Variants in ATRIP observed in about 807,000 individuals in gnomAD.
The protein encoded by ATRIP is ATR interacting protein, also known as ATR-interacting protein.
A neutral mutation model predicts 78.1 loss-of-function variants in ATRIP; 44 were observed. That is an observed-to-expected ratio of 0.56 (90% CI 0.44 to 0.72). ATRIP has a LOEUF of 0.72. Ranked by LOEUF, ATRIP falls within the 30% of genes least tolerant of loss-of-function variation. ATRIP has a pLI of 0.00. For missense variants in ATRIP, 927 were observed against 980.2 expected (o/e 0.95, Z 0.72); for synonymous variants, 388 against 408.9 (o/e 0.95, Z 0.62).
intron 9 of ATRIP, 67 bp from the exon 10 acceptor site, chr3:48,463,974 G>A: frequency 6.2e-7 from 1 of 1,602,654 alleles, no homozygotes; most frequent in Non-Finnish European, 8.5e-7. Context: ...GAGGGCTTCT[G>A]CAGTATGTAG....
chr3:48,449,659 G>A (rs777041277), intron 1 of ATRIP, among the ~76,000 whole-genome samples: 1 of 151,658 alleles, frequency 6.6e-6, no homozygotes, highest in Non-Finnish European at 1.5e-5. Flanking sequence ...CAGGCACAGT[G>A]GCTGACGCCT....
intron 1 of ATRIP, 94 bp from the exon 2 acceptor site, chr3:48,449,943 A>G: frequency 1.5e-6 from 2 of 1,316,642 alleles, no homozygotes; most frequent in Non-Finnish European, 2.1e-6. Flanking sequence ...ATCTCAAAAA[A>G]GAAAAAAAAA....
chr3:48,464,088 G>A lies in ATRIP; in HGVS notation c.1930G>A (p.Asp644Asn), dbSNP rs1224251523. The A allele has an allele frequency of 6.2e-7, 1 of 1,613,768 alleles. No individual in the cohort carries two copies. The highest frequency in any genetic ancestry group is 8.5e-7 in the Non-Finnish European group (1 of 1,180,034). Residue 644 changes from aspartate to asparagine, a missense_variant, in exon 10 of 13, where the codon GAC becomes AAC. Asp to Asn is a conservative substitution (Grantham distance 23). Transcript: ENST00000320211. The stretch of plus-strand genomic sequence containing the variant: ...GTACATGTACATCACATCACGGCCT[G>A]ACAGAGTGGCCTTGGAGACACAATG... ...LLYMYITSRPDRVALETQWLQ... is the reference protein window; with the variant it reads ...LLYMYITSRPNRVALETQWLQ...
rs2040288671 is a variant in ATRIP at position 48,466,260 on chromosome 3, C to A, written c.*706C>A. The A allele has an allele frequency of 1.6e-6, 1 of 617,116 alleles. No homozygotes were observed. The highest frequency in any genetic ancestry group is 2.8e-5 in the East Asian group (1 of 35,942). 38.2% of individuals were successfully genotyped at this position (617,116 alleles called of 1,614,324 possible). On this transcript the variant is annotated 3_prime_UTR_variant, in exon 13 of 13. Coordinates refer to ENST00000320211, the MANE Select transcript of ATRIP (RefSeq NM_130384.3). Reference sequence around the variant, plus strand: ...CCGCCACTGCTGCCAGCGAGAGCCGCGGGAGAGTGTGCAGCCGAGTCACTA... The same window carrying A: ...CCGCCACTGCTGCCAGCGAGAGCCGAGGGAGAGTGTGCAGCCGAGTCACTA...
rs781060789 is a variant in ATRIP, at chr3:48,466,799, C to G, written c.*1245C>G. 1.2e-5 allele frequency: 20 copies of G among 1,613,844 alleles called. No individual in the cohort carries two copies. The highest frequency in any genetic ancestry group is 5.0e-5 in the Admixed American group (3 of 60,004). On this transcript the variant is annotated 3_prime_UTR_variant, in exon 13 of 13. Transcript: ENST00000320211. ...ACAGATGTGCCCTGGAGAGCCCCCCCACCTCTCAGGGGCCACCTCCCACAG... is the reference window on the plus strand; with the variant it reads ...ACAGATGTGCCCTGGAGAGCCCCCCGACCTCTCAGGGGCCACCTCCCACAG...
At chr3:48,453,273 G>A (rs1413610612) in intron 3 of ATRIP, among the ~76,000 whole-genome samples, 2 of 152,168 alleles carry the variant, frequency 1.3e-5, no homozygotes, top group African/African-American at 4.8e-5. Context: ...ACCTCCTCAT[G>A]CTTCAATCTC....
At chr3:48,457,506 G>A in intron 5 of ATRIP, 90 bp downstream of exon 5, 1 of 1,081,036 alleles carries the variant, frequency 9.3e-7, no homozygotes, top group Non-Finnish European at 1.2e-6. Flanking sequence ...CAATTTCTGT[G>A]ATCAGCAATT....
At position 48,467,174 on chromosome 3, in the gene ATRIP, A is replaced by T. The variant is rs2040356821; in HGVS notation, c.*1620A>T. ...CAAGCAGCCCCTCAGAACACGGCCC[A>T]AGGAAGAGCTATAGCCTAGGCAGCA... On this transcript the variant is annotated 3_prime_UTR_variant, in exon 13 of 13. Transcript: ENST00000320211. 3 of 1,613,780 alleles carry T rather than the reference A, an allele frequency of 1.9e-6. No individual in the cohort carries two copies.
At chr3:48,458,555 C>T (rs570111326) in intron 5 of ATRIP, among the ~76,000 whole-genome samples, 3 of 152,184 alleles carry the variant, frequency 2.0e-5, no homozygotes, top group East Asian at 3.9e-4. Flanking sequence ...CTCATGACCT[C>T]GTGATCCACC....
chr3:48,447,362 G>T, intron 1 of ATRIP: 1 of 1,128,890 alleles, frequency 8.9e-7, no homozygotes. Context: ...CTTGGTTCTT[G>T]GTTCTAAGCA....
intron 1 of ATRIP, among the ~76,000 whole-genome samples, chr3:48,448,018 AGTCCTC>A (rs1487303958): frequency 6.6e-6 from 1 of 152,184 alleles, no homozygotes; most frequent in African/African-American, 2.4e-5. Context: ...TGTTACCATG[AGTCCTC>A]TCTTGAACAA....
intron 4 of ATRIP, among the ~76,000 whole-genome samples, chr3:48,456,097 G>T (rs2039948663): frequency 6.6e-6 from 1 of 151,866 alleles, no homozygotes; most frequent in African/African-American, 2.4e-5. Context: ...TCCAGCCTGG[G>T]CAACAGAACA....
chr3:48,466,692 A>C lies in ATRIP; in HGVS notation c.*1138A>C, dbSNP rs1287600584. 6.2e-7 allele frequency: 1 copy of C among 1,613,598 alleles called. No homozygotes were observed. Among genetic ancestry groups the C allele is most frequent in the Non-Finnish European group, 8.5e-7 (1 of 1,179,916 alleles). On this transcript the variant is annotated 3_prime_UTR_variant, in exon 13 of 13. Coordinates refer to ENST00000320211, the MANE Select transcript of ATRIP (RefSeq NM_130384.3). ...GGCCCTGCCCCCGGGGCCCATGCAG[A>C]CCCTCATCTTTTTCGACATGGAGGC...
Position 48,461,655 on chromosome 3 carries a change from AG to A in ATRIP, c.1745+860del, listed in dbSNP as rs1199222738. 5.3e-5 allele frequency among the ~76,000 whole-genome samples: 8 copies of A among 151,682 alleles called. 1 individual carries two copies. In the South Asian group the frequency reaches 6.2e-4, roughly 12 times the overall value. ...CAGACTCAGGACTCAAGTGCCCAGC[AG>A]GGGCCCAGCTCATAGTGGCTGTTTT... is the stretch of plus-strand genomic sequence containing the variant. On this transcript the variant is annotated intron_variant, in intron 8 of 12. Transcript: ENST00000320211.
Position 48,466,468 on chromosome 3 carries a change from CCT to C in ATRIP, c.*918_*919del. The C allele has an allele frequency of 6.2e-7, 1 of 1,613,836 alleles. No homozygotes were observed. Among genetic ancestry groups the C allele is most frequent in the Non-Finnish European group, 8.5e-7 (1 of 1,180,020 alleles). On this transcript the variant is annotated 3_prime_UTR_variant, in exon 13 of 13. Coordinates refer to ENST00000320211, the MANE Select transcript of ATRIP (RefSeq NM_130384.3). ...GGTCCCACTAAGGAAACCACCTCAC[CCT>C]CTCCAACTTCCTGCCTGAAAATGGG...
chr3:48,465,689 G>A lies in ATRIP; in HGVS notation c.*135G>A, dbSNP rs761933999. 115 of 883,960 alleles carry A rather than the reference G, an allele frequency of 1.3e-4. No individual in the cohort carries two copies. The highest frequency in any genetic ancestry group is 1.8e-4 in the Non-Finnish European group (102 of 574,998). 54.8% of individuals were successfully genotyped at this position (883,960 alleles called of 1,614,324 possible). The stretch of plus-strand genomic sequence containing the variant: ...GTTTCCTGAGTCTGATCTGTTTGGC[G>A]GAGTGGGAGGGGTGGAGCAGGACCC... On this transcript the variant is annotated 3_prime_UTR_variant, in exon 13 of 13. Transcript: ENST00000320211.
intron 1 of ATRIP, chr3:48,447,326 T>G (rs955772238): frequency 1.6e-6 from 2 of 1,216,552 alleles, no homozygotes; most frequent in Non-Finnish European, 2.0e-6. Context: ...GTTGACATTT[T>G]ACGTTATTTT....
At chr3:48,451,585 C>T (rs1287235678) in intron 2 of ATRIP, 144 bp from the exon 3 acceptor site, 2 of 648,406 alleles carry the variant, frequency 3.1e-6, no homozygotes, top group Middle Eastern at 4.3e-4. Flanking sequence ...ACCATGGTGA[C>T]ATCTGGTTGC....
chr3:48,467,296 C>T lies in ATRIP; in HGVS notation c.*1742C>T. ...AGCATCTGTCAGTGGAGACCACAGG[C>T]CCTGCTGCGGTGGGTGGATGCTCAC... On this transcript the variant is annotated 3_prime_UTR_variant, in exon 13 of 13. Transcript: ENST00000320211. 1.2e-6 allele frequency: 2 copies of T among 1,614,200 alleles called. No individual in the cohort carries two copies. Among genetic ancestry groups the T allele is most frequent in the Non-Finnish European group, 1.7e-6 (2 of 1,180,044 alleles).
Sources: gnomAD v4.1 joint callset for allele counts (sites outside exome capture counted in the v4.1 genomes callset) on GRCh38, gnomAD v4.1.1 for gene constraint, MANE v1.5 for transcripts, NCBI Gene and HGNC (gene_info 2026-07-23, HGNC 2026-07-21) for gene names.